SLC25A13: variants seen among roughly 807,000 people sequenced by gnomAD.
The protein encoded by SLC25A13 is electrogenic aspartate/glutamate antiporter SLC25A13, mitochondrial.
Under a neutral mutation model 85.5 loss-of-function variants are expected in SLC25A13, and 70 were observed. The ratio of observed to expected loss-of-function variants is 0.82; its 90% CI spans 0.68 to 1.00. SLC25A13 has a LOEUF of 1.00. Ranked by LOEUF, SLC25A13 falls within the 50% of genes least tolerant of loss-of-function variation. The pLI is 0.00. For synonymous variants in SLC25A13, 259 were observed against 288.7 expected, an observed-to-expected ratio of 0.90 and a Z score of 1.04; for missense variants, 765 against 819.8, an observed-to-expected ratio of 0.93 and a Z score of 0.82.
chr7:96,321,886 G>T, intron 1 of SLC25A13, 56 bp downstream of exon 1: 2 of 1,492,752 alleles, frequency 1.3e-6, no homozygotes. Context: ...CGAGCCTCTC[G>T]CACCCCCAGG....
intron 3 of SLC25A13, among the ~76,000 whole-genome samples, chr7:96,252,481 G>A (rs562651748): frequency 6.6e-6 from 1 of 152,104 alleles, no homozygotes; most frequent in Non-Finnish European, 1.5e-5. Context: ...GTACGCAAAT[G>A]GACTCTCACA....
chr7:96,181,665 C>G (rs2116620379), intron 11 of SLC25A13, among the ~76,000 whole-genome samples: 1 of 152,266 alleles, frequency 6.6e-6, no homozygotes. Context: ...CAAATTATCT[C>G]ATTCAGGAAA....
intron 3 of SLC25A13, among the ~76,000 whole-genome samples, chr7:96,238,257 C>T (rs868829904): frequency 6.6e-6 from 1 of 152,050 alleles, no homozygotes; most frequent in African/African-American, 2.4e-5. Context: ...CCAAGGAACA[C>T]CAAAGGTTGC....
chr7:96,271,169 AG>A (rs1798225283), intron 3 of SLC25A13, among the ~76,000 whole-genome samples: 1 of 152,220 alleles, frequency 6.6e-6, no homozygotes, highest in Admixed American at 6.5e-5. Flanking sequence ...CAGCCTGTTA[AG>A]GTGAGTAACA....
At chr7:96,238,266 G>A (rs2116826175) in intron 3 of SLC25A13, among the ~76,000 whole-genome samples, 1 of 152,240 alleles carries the variant, frequency 6.6e-6, no homozygotes, top group East Asian at 1.9e-4. Flanking sequence ...ACCAAAGGTT[G>A]CCCGCCCACC....
intron 8 of SLC25A13, 57 bp downstream of exon 8, chr7:96,189,518 CCCTCCT>C: frequency 2.0e-6 from 3 of 1,503,762 alleles, no homozygotes; most frequent in Admixed American, 3.4e-5. Context: ...CTGATTGCTG[CCCTCCT>C]CCTAACCTCC....
chr7:96,214,552 C>A (rs1278903381), intron 4 of SLC25A13, among the ~76,000 whole-genome samples: 1 of 152,050 alleles, frequency 6.6e-6, no homozygotes, highest in Non-Finnish European at 1.5e-5. Flanking sequence ...CAGGGTGAAA[C>A]CCCATCTCTA....
intron 14 of SLC25A13, among the ~76,000 whole-genome samples, chr7:96,133,902 C>G (rs1018508947): frequency 6.7e-6 from 1 of 150,176 alleles, no homozygotes; most frequent in Non-Finnish European, 1.5e-5. Context: ...GCCAGGGCAA[C>G]AGAGTAAGAC....
intron 1 of SLC25A13, chr7:96,309,674 T>C (rs1335429104): frequency 2.6e-5 from 4 of 152,196 alleles, no homozygotes; most frequent in African/African-American, 4.8e-5. Flanking sequence ...AAGGTCCTTG[T>C]CCTCAAGAGT....
At chr7:96,201,269 G>A (rs1795244577) in intron 5 of SLC25A13, among the ~76,000 whole-genome samples, 1 of 152,044 alleles carries the variant, frequency 6.6e-6, no homozygotes, top group Non-Finnish European at 1.5e-5. Context: ...CAGCACTTTG[G>A]GAGGGTGAGG....
intron 15 of SLC25A13, among the ~76,000 whole-genome samples, chr7:96,124,592 G>A (rs1350024374): frequency 6.6e-6 from 1 of 152,094 alleles, no homozygotes; most frequent in Non-Finnish European, 1.5e-5. Context: ...CTTGCTTATT[G>A]TTGATATTTG....
At chr7:96,226,683 G>T (rs1047759562) in intron 4 of SLC25A13, among the ~76,000 whole-genome samples, 1 of 151,782 alleles carries the variant, frequency 6.6e-6, no homozygotes, top group Non-Finnish European at 1.5e-5. Context: ...GAAAGAAAAA[G>T]AAAACTATGT....
chr7:96,284,600 C>A (rs549884721), intron 2 of SLC25A13, among the ~76,000 whole-genome samples: 1 of 152,212 alleles, frequency 6.6e-6, no homozygotes, highest in Admixed American at 6.5e-5. Flanking sequence ...TGGCTGTGTC[C>A]CCGCCCAAAT....
At chr7:96,217,049 TA>T (rs1795927161) in intron 4 of SLC25A13, among the ~76,000 whole-genome samples, 1 of 152,242 alleles carries the variant, frequency 6.6e-6, no homozygotes, top group African/African-American at 2.4e-5. Context: ...CAAATAATCC[TA>T]TTTAAAAATG....
At chr7:96,196,888 G>A (rs1353780871) in intron 5 of SLC25A13, among the ~76,000 whole-genome samples, 1 of 152,182 alleles carries the variant, frequency 6.6e-6, no homozygotes, top group Non-Finnish European at 1.5e-5. Flanking sequence ...ACCTCAACCA[G>A]TATGACAACC....
chr7:96,254,569 C>A (rs897849719), intron 3 of SLC25A13, among the ~76,000 whole-genome samples: 2 of 152,018 alleles, frequency 1.3e-5, no homozygotes, highest in African/African-American at 4.8e-5. Context: ...TACATATATA[C>A]CCACATATGT....
rs375615042 is a variant in SLC25A13 at position 96,239,385 on chromosome 7, C to CAT, written c.213-4470_213-4469dup. 3.8e-3 allele frequency among the ~76,000 whole-genome samples: 566 copies of CAT among 149,258 alleles called. 1 individual carries two copies. The highest frequency in any genetic ancestry group is 0.012 in the African/African-American group (477 of 40,766). On this transcript the variant is annotated intron_variant, in intron 3 of 17. Transcript: ENST00000265631. Reference sequence around the variant, plus strand: ...ATGTTTATATATATATATGTATATACATATATATATATAGACAAACAGTGC... The same window carrying CAT: ...ATGTTTATATATATATATGTATATACATATATATATATATAGACAAACAGTGC...
At chr7:96,222,961 G>GA (rs1370531883) in intron 4 of SLC25A13, among the ~76,000 whole-genome samples, 1 of 152,008 alleles carries the variant, frequency 6.6e-6, no homozygotes, top group Non-Finnish European at 1.5e-5. Flanking sequence ...AGCAATGCTG[G>GA]AAAAGTGTTA....
chr7:96,210,546 A>G (rs1024236646), intron 4 of SLC25A13, among the ~76,000 whole-genome samples: 1 of 152,212 alleles, frequency 6.6e-6, no homozygotes, highest in African/African-American at 2.4e-5. Flanking sequence ...CCATGTGCCA[A>G]GTATTGTTCT....
Sources: gnomAD v4.1 joint callset for allele counts (sites outside exome capture counted in the v4.1 genomes callset) on GRCh38, gnomAD v4.1.1 for gene constraint, MANE v1.5 for transcripts, NCBI Gene and HGNC (gene_info 2026-07-23, HGNC 2026-07-21) for gene names.